CELF2: variants seen among roughly 807,000 people sequenced by gnomAD.
The protein encoded by CELF2 is CUG triplet repeat RNA-binding protein 2.
CELF2 carries 8 observed loss-of-function variants against 62.6 expected under a neutral mutation model. That is an observed-to-expected ratio of 0.13 (90% CI 0.07 to 0.23). The LOEUF is 0.23. CELF2 is among the 10% of genes least tolerant of loss of function. CELF2 has a pLI of 1.00. For synonymous variants in CELF2, 258 were observed against 250.0 expected (o/e 1.03, Z -0.30); for missense variants, 333 against 671.0 (o/e 0.50, Z 5.56).
chr10:10,764,392 G>A, the CELF2 span, among the ~76,000 whole-genome samples: 18 of 152,180 alleles, frequency 1.2e-4, no homozygotes, highest in African/African-American at 4.1e-4. Flanking sequence ...TGCCTAACCT[G>A]AGTTTCCACG....
chr10:10,709,470 A>G, the CELF2 span, among the ~76,000 whole-genome samples: 2 of 152,152 alleles, frequency 1.3e-5, no homozygotes, highest in Non-Finnish European at 2.9e-5. Flanking sequence ...CCCAACTTTG[A>G]AGCTTGCAAA....
chr10:11,045,436 CT>C (rs2062640878), intron 1 of CELF2, among the ~76,000 whole-genome samples: 1 of 152,180 alleles, frequency 6.6e-6, no homozygotes, highest in Non-Finnish European at 1.5e-5. Flanking sequence ...CACTATGAGA[CT>C]TTATCTTCCA....
the CELF2 span, among the ~76,000 whole-genome samples, chr10:10,623,085 C>CAAAAAAAAAAAAAAA: frequency 8.7e-5 from 5 of 57,226 alleles, no homozygotes; most frequent in Admixed American, 3.0e-4. Context: ...GACTCCGTCT[C>CAAAAAAAAAAAAAAA]AAAAAAAAAA....
intron 1 of CELF2, among the ~76,000 whole-genome samples, chr10:11,038,606 G>A (rs1254845954): frequency 6.6e-6 from 1 of 152,102 alleles, no homozygotes; most frequent in Non-Finnish European, 1.5e-5. Context: ...CTACTATGCA[G>A]TACACCACTA....
chr10:10,917,179 G>A (rs896566553), intron 1 of CELF2, among the ~76,000 whole-genome samples: 5 of 152,250 alleles, frequency 3.3e-5, no homozygotes, highest in South Asian at 2.1e-4. Context: ...CTTGGTAAGC[G>A]TGGAGACTTA....
At chr10:11,226,600 C>CCACACAAACACACAGACA (rs1298908039) in intron 3 of CELF2, among the ~76,000 whole-genome samples, 1 of 25,896 alleles carries the variant, frequency 3.9e-5, no homozygotes, top group African/African-American at 6.0e-5. Flanking sequence ...CAGGCAGTGG[C>CCACACAAACACACAGACA]CACACACACA....
the CELF2 span, among the ~76,000 whole-genome samples, chr10:10,667,200 T>C: frequency 6.6e-6 from 1 of 152,258 alleles, no homozygotes; most frequent in Non-Finnish European, 1.5e-5. Flanking sequence ...ATGGAAGCTA[T>C]AGTTATTACT....
chr10:10,969,235 C>T (rs1417578421), intron 2 of CELF2, among the ~76,000 whole-genome samples: 1 of 152,054 alleles, frequency 6.6e-6, no homozygotes, highest in Non-Finnish European at 1.5e-5. Context: ...CCAGCCTGGG[C>T]AACAGAGCAA....
the CELF2 span, among the ~76,000 whole-genome samples, chr10:10,792,060 A>AGAGAG: frequency 9.7e-5 from 8 of 82,536 alleles, no homozygotes; most frequent in African/African-American, 4.3e-4. Flanking sequence ...GAAGGAAGGA[A>AGAGAG]GGAGGGAGGA....
chr10:11,107,097 G>A (rs771358498), intron 1 of CELF2, among the ~76,000 whole-genome samples: 3 of 152,224 alleles, frequency 2.0e-5, no homozygotes, highest in Non-Finnish European at 4.4e-5. Context: ...AGGGAGCTGC[G>A]TGGATACCGG....
chr10:10,713,319 T>A, the CELF2 span, among the ~76,000 whole-genome samples: 1 of 152,208 alleles, frequency 6.6e-6, no homozygotes, highest in Non-Finnish European at 1.5e-5. Context: ...GGAAGGCATG[T>A]CCCTTGTCAG....
intron 1 of CELF2, among the ~76,000 whole-genome samples, chr10:10,814,102 C>T (rs2056206093): frequency 1.3e-5 from 2 of 150,404 alleles, no homozygotes; most frequent in East Asian, 2.0e-4. Flanking sequence ...AGCAAATATA[C>T]ATTTCAATGA....
intron 2 of CELF2, among the ~76,000 whole-genome samples, chr10:11,196,825 C>T (rs187478716): frequency 1.5e-4 from 23 of 151,208 alleles, no homozygotes; most frequent in Non-Finnish European, 2.8e-4. Context: ...GGCGTGGTGG[C>T]GCATGCGCTT....
At chr10:10,492,905 CT>C in the CELF2 span, among the ~76,000 whole-genome samples, 97,311 of 151,860 alleles carry the variant, frequency 0.64, 31,537 homozygotes, top group Non-Finnish European at 0.67. Context: ...GGGGAAATCC[CT>C]TTCACTTGGT....
intron 1 of CELF2, among the ~76,000 whole-genome samples, chr10:11,100,740 A>G (rs960138903): frequency 6.6e-6 from 1 of 152,158 alleles, no homozygotes; most frequent in Non-Finnish European, 1.5e-5. Flanking sequence ...TTTTTAAAGC[A>G]CAGAACAATG....
At chr10:10,896,759 T>G (rs1184154223) in intron 1 of CELF2, among the ~76,000 whole-genome samples, 1 of 152,204 alleles carries the variant, frequency 6.6e-6, no homozygotes, top group Non-Finnish European at 1.5e-5. Context: ...GGTCTCAAAC[T>G]TCTAGCTTCT....
rs546702547 is a variant in CELF2, at chr10:11,237,068, A to G, written c.355-12085A>G. Among the ~76,000 whole-genome samples the G allele has an allele frequency of 1.1e-4, 17 of 152,306 alleles. No homozygotes were observed. Among genetic ancestry groups the G allele is most frequent in the South Asian group, 2.1e-4 (1 of 4,814 alleles). Reference sequence around the variant, plus strand: ...GAGTTTTAGACAGATTAAAAAGGCAATGGTGTAGAAGATGGAAGGCAATGA... The same window carrying G: ...GAGTTTTAGACAGATTAAAAAGGCAGTGGTGTAGAAGATGGAAGGCAATGA... On this transcript the variant is annotated intron_variant, in intron 3 of 12. Transcript: ENST00000633077. The surrounding 1 kb of genome is among the most constrained non-coding windows in gnomAD (Gnocchi z 4.0).
At chr10:10,653,691 C>A in the CELF2 span, among the ~76,000 whole-genome samples, 3 of 145,378 alleles carry the variant, frequency 2.1e-5, no homozygotes, top group Non-Finnish European at 3.0e-5. Context: ...CACAACATAC[C>A]AGAATCTCTG....
intron 1 of CELF2, among the ~76,000 whole-genome samples, chr10:10,894,060 G>A (rs2062360345): frequency 6.6e-6 from 1 of 151,852 alleles, no homozygotes; most frequent in Non-Finnish European, 1.5e-5. Flanking sequence ...TGAGTCAGAA[G>A]CTTACAGACA....
Sources: allele counts gnomAD v4.1 joint callset (sites outside exome capture counted in the v4.1 genomes callset), GRCh38; gene constraint gnomAD v4.1.1; non-coding constraint Gnocchi (gnomAD v3.1); transcripts MANE v1.5; gene names NCBI Gene and HGNC (gene_info 2026-07-23, HGNC 2026-07-21).